PRDM15: variants seen among roughly 807,000 people sequenced by gnomAD.
PRDM15 encodes the protein PR domain zinc finger protein 15.
In PRDM15, 64 loss-of-function variants were observed where a neutral mutation model predicts 128.6. The observed-to-expected ratio is 0.50, with a 90% CI of 0.41 to 0.61. The LOEUF (loss-of-function observed/expected upper bound fraction) is 0.61. PRDM15 is among the 20% of genes least tolerant of loss of function. The pLI is 0.00. For missense variants in PRDM15, 1,242 were observed against 1,569.1 expected (o/e 0.79, Z 3.52); for synonymous variants, 615 against 621.8 (o/e 0.99, Z 0.16).
intron 1 of PRDM15, among the ~76,000 whole-genome samples, chr21:41,867,638 T>C (rs2064060809): frequency 6.6e-6 from 1 of 152,212 alleles, no homozygotes; most frequent in Non-Finnish European, 1.5e-5. Flanking sequence ...TAATATGATC[T>C]GCAAAGGCTG....
rs751612954 is a variant in PRDM15 at position 41,802,730 on chromosome 21, T to G, written c.2925A>C (p.Ala975=). The G allele has an allele frequency of 6.2e-7, 1 of 1,614,168 alleles. No individual in the cohort carries two copies. The highest frequency in any genetic ancestry group is 2.2e-5 in the East Asian group (1 of 44,886). The change falls in exon 23 of 24, where the codon GCA becomes GCC. Residue 975 remains alanine, a synonymous_variant. Coordinates refer to ENST00000398548, the MANE Select transcript of PRDM15 (RefSeq NM_001040424.3). ...TGSVGDETNS[A]VQSIQQVVVT... Reference sequence around the variant, plus strand: ...AACTGACCTGCTGAATGCTCTGTACTGCGGAATTGGTCTCGTCGCCTACAC... The same window carrying G: ...AACTGACCTGCTGAATGCTCTGTACGGCGGAATTGGTCTCGTCGCCTACAC...
At chr21:41,839,877 C>T in intron 6 of PRDM15, 24 bp from the exon 7 acceptor site, 2 of 1,598,898 alleles carry the variant, frequency 1.3e-6, no homozygotes, top group Non-Finnish European at 1.7e-6. Context: ...CGCGAATGCA[C>T]CACACAATTA....
chr21:41,836,439 C>G lies in PRDM15; in HGVS notation c.1183+29G>C, dbSNP rs529421658. 8 of 1,593,640 alleles carry G rather than the reference C, an allele frequency of 5.0e-6. No homozygotes were observed. The Admixed American group carries it at 1.0e-4, about 20-fold the overall frequency. Reference sequence around the variant, plus strand: ...CCAGCCCCAGTCCTGGCCCTGGCCCCGGGCGCCAGCCGGGCCTCGCGGACT... The same window carrying G: ...CCAGCCCCAGTCCTGGCCCTGGCCCGGGGCGCCAGCCGGGCCTCGCGGACT... On this transcript the variant is annotated intron_variant, in intron 9 of 23. Coordinates refer to ENST00000398548, the MANE Select transcript of PRDM15 (RefSeq NM_001040424.3).
In PRDM15 at chr21:41,839,649, A is replaced by G. The variant is rs749820707; in HGVS notation, c.845T>C (p.Val282Ala). 1.7e-5 allele frequency: 28 copies of G among 1,614,068 alleles called. No individual in the cohort carries two copies. Among genetic ancestry groups the G allele is most frequent in the African/African-American group, 2.7e-5 (2 of 74,922 alleles). Residue 282 changes from valine to alanine, a missense_variant, in exon 7 of 24, where the codon GTC (valine) becomes GCC (alanine). Around this residue, in one of 3 missense-constraint regions of PRDM15, gnomAD observed 612 missense variants for 717.0 expected, o/e 0.85. Coordinates refer to ENST00000398548, the MANE Select transcript of PRDM15 (RefSeq NM_001040424.3). The stretch of plus-strand genomic sequence containing the variant: ...TGTGGGTTCCTTGTCTTCCACGATG[A>G]CTAGAGGCTGCTCAGCTTTGGACAC... ...PKVSKAEQPL[V>A]IVEDKEPTEQ...
intron 1 of PRDM15, chr21:41,867,398 G>A: frequency 6.4e-7 from 1 of 1,566,902 alleles, no homozygotes; most frequent in Non-Finnish European, 8.8e-7. Flanking sequence ...TGAAAGGAAA[G>A]CAAGCTGAGG....
Position 41,834,884 on chromosome 21 carries a change from C to G in PRDM15, c.1366+553G>C, listed in dbSNP as rs953693398. ...TCCACTACAGGCTGGTCCAGGCACA[C>G]CCGGCTTCAGGCCTCACACAAGGAA... On this transcript the variant is annotated intron_variant, in intron 11 of 23. Transcript: ENST00000398548. Among the ~76,000 whole-genome samples, 9 of 152,234 alleles carry G rather than the reference C, an allele frequency of 5.9e-5. No homozygotes were observed. In the East Asian group the frequency reaches 1.2e-3, roughly 20 times the overall value.
At chr21:41,846,612 G>A (rs917660907) in intron 6 of PRDM15, among the ~76,000 whole-genome samples, 4 of 152,202 alleles carry the variant, frequency 2.6e-5, no homozygotes, top group Non-Finnish European at 4.4e-5. Flanking sequence ...TGGGAGGATC[G>A]CTTGAGCCTG....
chr21:41,834,317 G>C (rs11910698), intron 11 of PRDM15, among the ~76,000 whole-genome samples: 87,118 of 151,952 alleles, frequency 0.57, 25,358 homozygotes, highest in Admixed American at 0.65. Flanking sequence ...CAGCAGCTAC[G>C]GCAAGGGAGC....
At chr21:41,820,425 T>C (rs920844786) in intron 16 of PRDM15, among the ~76,000 whole-genome samples, 1 of 152,108 alleles carries the variant, frequency 6.6e-6, no homozygotes, top group African/African-American at 2.4e-5. Context: ...GGTGATTACA[T>C]GGAAAAGAGG....
chr21:41,859,717 C>A lies in PRDM15; in HGVS notation c.38-32G>T. On this transcript the variant is annotated intron_variant, in intron 2 of 23. Transcript: ENST00000398548. This position sits in a 1 kb window ranked among gnomAD's most constrained non-coding sequence, Gnocchi z 5.3. Reference sequence around the variant, plus strand: ...GCAGACATCCGGGCATTAGAGCACCCAGGGAGGGAGACACCTAAAGAACAC... The same window carrying A: ...GCAGACATCCGGGCATTAGAGCACCAAGGGAGGGAGACACCTAAAGAACAC... 1 of 1,585,882 alleles carries A rather than the reference C, an allele frequency of 6.3e-7. No individual in the cohort carries two copies. The highest frequency in any genetic ancestry group is 1.1e-5 in the South Asian group (1 of 89,954).
chr21:41,801,120 G>A lies in PRDM15; in HGVS notation c.*120C>T, dbSNP rs1426816446. ...GGGGGATCTGGAGATACTCTGCAAA[G>A]CTAAGTCAACCTTACATTGCAATGT... On this transcript the variant is annotated 3_prime_UTR_variant, in exon 24 of 24. Transcript: ENST00000398548. 3 of 1,390,616 alleles carry A rather than the reference G, an allele frequency of 2.2e-6. No homozygotes were observed. In the Admixed American group the frequency reaches 7.1e-5, roughly 33 times the overall value. The allele number at this position is 1,390,616 out of a possible 1,614,324, so 86.1% of individuals were successfully genotyped here.
chr21:41,868,162 TC>T (rs1185898942), intron 1 of PRDM15, among the ~76,000 whole-genome samples: 3 of 152,162 alleles, frequency 2.0e-5, no homozygotes, highest in African/African-American at 7.2e-5. Flanking sequence ...TATCAAAAGC[TC>T]ATTCCTTTAT....
intron 1 of PRDM15, among the ~76,000 whole-genome samples, chr21:41,876,484 C>G (rs77980453): frequency 6.6e-6 from 1 of 152,124 alleles, no homozygotes; most frequent in Admixed American, 6.5e-5. Context: ...CCATGAACAC[C>G]GCTGGTGTAG....
In PRDM15 at chr21:41,867,996, GC is replaced by G. The variant is rs1424360553; in HGVS notation, c.-9-7625del. On this transcript the variant is annotated intron_variant, in intron 1 of 23. Transcript: ENST00000398548. ...CACTTGAACCTGGGAGGTGGATGCT[GC>G]AGTGAGACGAGATCCACTGCAGCCT... 2.0e-5 allele frequency among the ~76,000 whole-genome samples: 3 copies of G among 150,410 alleles called. No individual in the cohort carries two copies. In the East Asian group the frequency reaches 5.9e-4, roughly 29 times the overall value.
intron 4 of PRDM15, among the ~76,000 whole-genome samples, chr21:41,856,877 G>T (rs1422628301): frequency 6.6e-6 from 1 of 152,220 alleles, no homozygotes; most frequent in African/African-American, 2.4e-5. Flanking sequence ...TAAAGCCTGC[G>T]ACAGCAATGG....
At position 41,828,426 on chromosome 21, in the gene PRDM15, G is replaced by C; in HGVS notation, c.1367-93C>G. On this transcript the variant is annotated intron_variant, in intron 11 of 23. Coordinates refer to ENST00000398548, the MANE Select transcript of PRDM15 (RefSeq NM_001040424.3). This position sits in a 1 kb window ranked among gnomAD's most constrained non-coding sequence, Gnocchi z 5.7. ...GTGGCCTGAACGTCAATAAAGCGCG[G>C]GTGACGGGCATGAGAGTCACGGGGA... 1 of 1,348,214 alleles carries C rather than the reference G, an allele frequency of 7.4e-7. No individual in the cohort carries two copies. The highest frequency in any genetic ancestry group is 1.0e-6 in the Non-Finnish European group (1 of 954,384). 83.5% of individuals were successfully genotyped at this position (1,348,214 alleles called of 1,614,324 possible). A position where few individuals can be genotyped will look rare whatever the true frequency, so the allele number is the denominator to read the frequency against.
intron 21 of PRDM15, among the ~76,000 whole-genome samples, chr21:41,809,222 T>C (rs909958984): frequency 1.3e-5 from 2 of 148,350 alleles, no homozygotes. Context: ...CCATGGCCTA[T>C]GCAAATTTTT....
rs546039992 is a variant in PRDM15, at chr21:41,823,971, G to C, written c.1630-522C>G. Among the ~76,000 whole-genome samples the C allele has an allele frequency of 6.4e-4, 98 of 152,308 alleles. 1 individual carries two copies. The highest frequency in any genetic ancestry group is 2.3e-3 in the African/African-American group (96 of 41,536). On this transcript the variant is annotated intron_variant, in intron 13 of 23. Transcript: ENST00000398548. ...CCAAGGGGGTCACCTCTGTGACCAG[G>C]GCTGGGGTTGGCGCTGGGTGGTCCA... is the stretch of plus-strand genomic sequence containing the variant.
Position 41,835,558 on chromosome 21 carries a change from C to G in PRDM15, c.1279-34G>C, listed in dbSNP as rs748661487. 4 of 1,575,912 alleles carry G rather than the reference C, an allele frequency of 2.5e-6. No individual in the cohort carries two copies. The African/African-American group carries it at 5.4e-5, about 21-fold the overall frequency. On this transcript the variant is annotated intron_variant, in intron 10 of 23. Transcript: ENST00000398548. ...AGGGACACGCCGTGAGTGAGATGGC[C>G]CAGCGCAGAGTCCACAGATGCCGAG...
Sources: gnomAD v4.1 joint callset for allele counts (sites outside exome capture counted in the v4.1 genomes callset) on GRCh38, gnomAD v4.1.1 for gene constraint, gnomAD v4.1.1 regional missense constraint, Gnocchi (gnomAD v3.1) non-coding constraint, MANE v1.5 for transcripts, NCBI Gene and HGNC (gene_info 2026-07-23, HGNC 2026-07-21) for gene names.